The following MAMDC2 variants were observed in gnomAD, a reference collection of about 807,000 sequenced individuals.
MAMDC2 encodes MAM domain-containing protein 2.
MAMDC2 carries 57 observed loss-of-function variants against 89.8 expected under a neutral mutation model. The observed-to-expected ratio is 0.63, with a 90% confidence interval of 0.51 to 0.79. The LOEUF (loss-of-function observed/expected upper bound fraction) is 0.79, where lower values mean the gene tolerates loss of function less well. Among genes scored for constraint, MAMDC2 ranks in the 30% least tolerant of loss-of-function variants. MAMDC2 has a pLI of 0.00. For missense variants in MAMDC2, 800 were observed against 820.6 expected, an observed-to-expected ratio of 0.97 and a Z score of 0.31; for synonymous variants, 313 against 293.4, an observed-to-expected ratio of 1.07 and a Z score of -0.68.
chr9:70,054,987 C>T (rs181523368), intron 2 of MAMDC2, among the ~76,000 whole-genome samples: 7 of 152,026 alleles, frequency 4.6e-5, no homozygotes, highest in South Asian at 4.2e-4. Flanking sequence ...CTGAGGTGGG[C>T]GACTATCACC....
Position 70,066,672 on chromosome 9 carries a change from G to A in MAMDC2, c.148+21975G>A, listed in dbSNP as rs1218109698. Reference sequence around the variant, plus strand: ...AGCCAGGGGTTGTGCCAGCCAAAAGGAAAAGCTATCTTTTTCTAATTGGCA... The same window carrying A: ...AGCCAGGGGTTGTGCCAGCCAAAAGAAAAAGCTATCTTTTTCTAATTGGCA... On this transcript the variant is annotated intron_variant, in intron 2 of 13. Transcript: ENST00000377182. Among the ~76,000 whole-genome samples the A allele has an allele frequency of 6.6e-5, 10 of 152,138 alleles. No individual in the cohort carries two copies. The East Asian group carries it at 1.9e-3, about 29-fold the overall frequency.
intron 2 of MAMDC2, among the ~76,000 whole-genome samples, chr9:70,077,510 T>G (rs1827559392): frequency 6.6e-6 from 1 of 152,230 alleles, no homozygotes; most frequent in Non-Finnish European, 1.5e-5. Flanking sequence ...ATGTTTAATT[T>G]TATTTCCTTT....
chr9:70,152,774 C>T (rs1437199006), intron 9 of MAMDC2, among the ~76,000 whole-genome samples: 1 of 152,110 alleles, frequency 6.6e-6, no homozygotes, highest in Non-Finnish European at 1.5e-5. Context: ...CTTCCTGAGC[C>T]TTCCTTTTCT....
intron 9 of MAMDC2, among the ~76,000 whole-genome samples, chr9:70,151,188 G>C (rs1275093504): frequency 6.6e-6 from 1 of 152,158 alleles, no homozygotes; most frequent in Non-Finnish European, 1.5e-5. Context: ...TTTTGTCCCA[G>C]GTCAAGTGCT....
chr9:70,132,961 C>T (rs1587500865), intron 7 of MAMDC2, among the ~76,000 whole-genome samples: 1 of 152,278 alleles, frequency 6.6e-6, no homozygotes, highest in South Asian at 2.1e-4. Flanking sequence ...ATTAGATTTA[C>T]ATACTTTTTA....
chr9:70,094,121 A>G (rs1827970482), intron 2 of MAMDC2, among the ~76,000 whole-genome samples: 1 of 152,192 alleles, frequency 6.6e-6, no homozygotes, highest in African/African-American at 2.4e-5. Context: ...GCCTCCTGGC[A>G]TTTGTTTTGT....
At chr9:70,094,603 A>C (rs752000531) in intron 2 of MAMDC2, among the ~76,000 whole-genome samples, 10 of 152,204 alleles carry the variant, frequency 6.6e-5, no homozygotes, top group Non-Finnish European at 1.5e-4. Flanking sequence ...ATTGAAACCT[A>C]ATAGGAGATT....
At chr9:70,204,368 GGGGGTCA>G (rs1554681889) in intron 11 of MAMDC2, among the ~76,000 whole-genome samples, 1 of 151,766 alleles carries the variant, frequency 6.6e-6, no homozygotes, top group Non-Finnish European at 1.5e-5. Flanking sequence ...TAGGCTGCTC[GGGGGTCA>G]GGGGTCAGGG....
At chr9:70,082,788 T>A (rs1027965031) in intron 2 of MAMDC2, 8 of 152,102 alleles carry the variant, frequency 5.3e-5, no homozygotes, top group Non-Finnish European at 4.4e-5. Flanking sequence ...AAAGTGTCAA[T>A]CATGGAAGTT....
At chr9:70,217,742 A>G (rs1272718935) in intron 11 of MAMDC2, 1 of 1,118,154 alleles carries the variant, frequency 8.9e-7, no homozygotes, top group East Asian at 2.5e-5. Flanking sequence ...TCAAAACTAA[A>G]AAAAAGTGTC....
chr9:70,186,084 CAACT>C (rs1772668704), intron 11 of MAMDC2, among the ~76,000 whole-genome samples: 2 of 152,066 alleles, frequency 1.3e-5, no homozygotes, highest in South Asian at 4.2e-4. Context: ...CTTTAGCTCA[CAACT>C]AACATTACGA....
At chr9:70,178,446 G>A (rs572858835) in intron 11 of MAMDC2, among the ~76,000 whole-genome samples, 6 of 152,280 alleles carry the variant, frequency 3.9e-5, no homozygotes, top group Middle Eastern at 3.4e-3. Context: ...CTCCCATTAA[G>A]CCCTACCTTT....
At chr9:70,214,562 T>C (rs1046740872) in intron 11 of MAMDC2, among the ~76,000 whole-genome samples, 1 of 152,220 alleles carries the variant, frequency 6.6e-6, no homozygotes, top group East Asian at 1.9e-4. Flanking sequence ...AGGTTTTAAA[T>C]GAGTGGTATG....
intron 11 of MAMDC2, among the ~76,000 whole-genome samples, chr9:70,188,982 C>T (rs950988665): frequency 6.6e-6 from 1 of 152,022 alleles, no homozygotes; most frequent in African/African-American, 2.4e-5. Context: ...TGCTTCATTT[C>T]TTCCTTCCAT....
At chr9:70,169,478 T>C (rs891822802) in intron 10 of MAMDC2, among the ~76,000 whole-genome samples, 2 of 152,230 alleles carry the variant, frequency 1.3e-5, no homozygotes, top group African/African-American at 4.8e-5. Flanking sequence ...CATGTTTATT[T>C]AATTAAAAGA....
intron 9 of MAMDC2, among the ~76,000 whole-genome samples, chr9:70,154,974 A>G (rs2031708165): frequency 6.6e-6 from 1 of 151,890 alleles, no homozygotes; most frequent in Non-Finnish European, 1.5e-5. Context: ...CTGCCCCACA[A>G]CACAGCTTAT....
chr9:70,129,457 C>A (rs1347488613), intron 6 of MAMDC2, among the ~76,000 whole-genome samples: 1 of 152,146 alleles, frequency 6.6e-6, no homozygotes, highest in Non-Finnish European at 1.5e-5. Flanking sequence ...TTATCAGCAG[C>A]ATTGAAACAG....
At chr9:70,087,895 GCTCT>G (rs1827805574) in intron 2 of MAMDC2, among the ~76,000 whole-genome samples, 2 of 152,234 alleles carry the variant, frequency 1.3e-5, no homozygotes, top group South Asian at 2.1e-4. Context: ...TCCCCAAACT[GCTCT>G]CTATTACGAA....
intron 11 of MAMDC2, among the ~76,000 whole-genome samples, chr9:70,199,319 C>T (rs535591281): frequency 1.1e-3 from 158 of 143,998 alleles, no homozygotes; most frequent in African/African-American, 3.3e-3. Context: ...TTTGATCTTG[C>T]GATAGTTTAC....
Sources: allele counts gnomAD v4.1 joint callset (sites outside exome capture counted in the v4.1 genomes callset), GRCh38; gene constraint gnomAD v4.1.1; transcripts MANE v1.5; gene names NCBI Gene and HGNC (gene_info 2026-07-23, HGNC 2026-07-21).